HIVEP1: variants seen among roughly 807,000 people sequenced by gnomAD.
HIVEP1 encodes HIVEP zinc finger 1.
HIVEP1 carries 36 observed loss-of-function variants against 180.0 expected under a neutral mutation model. The ratio of observed to expected loss-of-function variants is 0.20; its 90% confidence interval spans 0.15 to 0.26. The LOEUF is 0.26. Among genes scored for constraint, HIVEP1 ranks in the 10% least tolerant of loss-of-function variants. HIVEP1 has a pLI of 1.00. For synonymous variants in HIVEP1, 1,239 were observed against 1,239.0 expected (o/e 1.00, Z 0.00); for missense variants, 3,143 against 3,268.7 (o/e 0.96, Z 0.94).
intron 2 of HIVEP1, among the ~76,000 whole-genome samples, chr6:12,059,721 G>A (rs13218440): frequency 0.4 from 61,233 of 151,746 alleles, 12,257 homozygotes; most frequent in East Asian, 0.43. Context: ...AGTCCCTCTG[G>A]GCAGCCTCCT....
intron 2 of HIVEP1, among the ~76,000 whole-genome samples, chr6:12,048,561 A>G (rs1581576367): frequency 6.6e-6 from 1 of 152,252 alleles, no homozygotes; most frequent in East Asian, 1.9e-4. Context: ...ATTTAAAAAC[A>G]TGCACAATCT....
intron 6 of HIVEP1, 105 bp downstream of exon 6, chr6:12,131,047 A>G: frequency 1.5e-6 from 1 of 675,674 alleles, no homozygotes; most frequent in Non-Finnish European, 2.4e-6. Flanking sequence ...CAGCTTAAAT[A>G]GACTAATGTC....
chr6:12,142,155 G>A (rs1336927281), intron 7 of HIVEP1, among the ~76,000 whole-genome samples: 1 of 152,190 alleles, frequency 6.6e-6, no homozygotes, highest in Admixed American at 6.5e-5. Context: ...CTCAGCAAAT[G>A]TAAAAGAACA....
chr6:12,193,453 G>A, the HIVEP1 span, among the ~76,000 whole-genome samples: 1 of 152,142 alleles, frequency 6.6e-6, no homozygotes, highest in Non-Finnish European at 1.5e-5. Context: ...TTCTTAAAAT[G>A]TTGTGACAAT....
At chr6:12,112,884 C>G (rs1774991602) in intron 3 of HIVEP1, among the ~76,000 whole-genome samples, 1 of 152,124 alleles carries the variant, frequency 6.6e-6, no homozygotes, top group African/African-American at 2.4e-5. Context: ...TCCTGCCTCC[C>G]CTGGGGTAGA....
chr6:12,168,234 TATA>T (rs1562024770), downstream of HIVEP1, among the ~76,000 whole-genome samples: 1 of 129,752 alleles, frequency 7.7e-6, no homozygotes, highest in Non-Finnish European at 1.6e-5. Context: ...ATTATATACA[TATA>T]TATTATATAT....
chr6:12,112,964 C>T (rs1254301233), intron 3 of HIVEP1, among the ~76,000 whole-genome samples: 1 of 152,004 alleles, frequency 6.6e-6, no homozygotes, highest in African/African-American at 2.4e-5. Flanking sequence ...CATCTGCTGC[C>T]CTTTCCCTAT....
At chr6:12,082,081 TTG>T (rs1450713556) in intron 2 of HIVEP1, among the ~76,000 whole-genome samples, 5 of 152,174 alleles carry the variant, frequency 3.3e-5, no homozygotes, top group African/African-American at 1.2e-4. Flanking sequence ...CCTCTTTTTT[TTG>T]TGTGTTTCTT....
At chr6:12,036,394 G>GTATGC (rs1285827660) in intron 2 of HIVEP1, among the ~76,000 whole-genome samples, 2 of 152,208 alleles carry the variant, frequency 1.3e-5, no homozygotes, top group African/African-American at 4.8e-5. Flanking sequence ...ATATACAATT[G>GTATGC]TATGGTCTTT....
At chr6:12,103,024 A>G (rs935356376) in intron 3 of HIVEP1, among the ~76,000 whole-genome samples, 1 of 152,160 alleles carries the variant, frequency 6.6e-6, no homozygotes, top group African/African-American at 2.4e-5. Flanking sequence ...TATGTTTATG[A>G]GTTTTTTTAT....
Position 12,121,981 on chromosome 6 carries a change from T to G in HIVEP1, c.2186T>G (p.Leu729Trp), listed in dbSNP as rs200091360. The G allele has an allele frequency of 1.1e-4, 178 of 1,614,058 alleles. No homozygotes were observed. Among genetic ancestry groups the G allele is most frequent in the Non-Finnish European group, 1.2e-4 (137 of 1,180,036 alleles). The change falls in exon 4 of 9, where the codon TTG (leucine) becomes TGG (tryptophan). Residue 729 changes from leucine (L) to tryptophan (W), a missense_variant. Leu to Trp is a moderately conservative substitution (Grantham distance 61, BLOSUM62 -2). Around this residue, in one of 12 missense-constraint regions of HIVEP1, gnomAD observed 365 missense variants for 344.4 expected, o/e 1.06. Transcript: ENST00000379388. This position sits in a 1 kb window ranked among gnomAD's most constrained non-coding sequence, Gnocchi z 5.3. ...PSALPTGEKALLLPGQMRPPL... is the reference protein window; with the variant it reads ...PSALPTGEKAWLLPGQMRPPL... Reference sequence around the variant, plus strand: ...GCTTTGCCCACAGGGGAAAAGGCATTGCTTTTACCAGGTCAGATGCGCCCA... The same window carrying G: ...GCTTTGCCCACAGGGGAAAAGGCATGGCTTTTACCAGGTCAGATGCGCCCA...
intron 2 of HIVEP1, among the ~76,000 whole-genome samples, chr6:12,039,825 G>C (rs774419039): frequency 6.6e-6 from 1 of 152,166 alleles, no homozygotes; most frequent in Non-Finnish European, 1.5e-5. Context: ...CAGGACAGGG[G>C]ATATCACCAC....
intron 7 of HIVEP1, among the ~76,000 whole-genome samples, chr6:12,144,626 T>G (rs1759253282): frequency 6.6e-6 from 1 of 152,244 alleles, no homozygotes; most frequent in African/African-American, 2.4e-5. Flanking sequence ...TCTACTCATC[T>G]GACAAAGGGC....
At chr6:12,185,564 T>G in the HIVEP1 span, among the ~76,000 whole-genome samples, 1 of 152,130 alleles carries the variant, frequency 6.6e-6, no homozygotes, top group Non-Finnish European at 1.5e-5. Flanking sequence ...TGTTTTGAAA[T>G]CACAGAAAAG....
In HIVEP1 at chr6:12,017,212, CAT is replaced by C. The variant is rs552444797; in HGVS notation, c.40+1545_40+1546del. On this transcript the variant is annotated intron_variant, in intron 2 of 8. Transcript: ENST00000379388. ...TATCAAATAAATGTTCAACTCAGCACATGTTTGTTACTGTGTCTGGAATTGGT... is the reference window on the plus strand; with the variant it reads ...TATCAAATAAATGTTCAACTCAGCACGTTTGTTACTGTGTCTGGAATTGGT... 2.4e-3 allele frequency among the ~76,000 whole-genome samples: 359 copies of C among 152,242 alleles called. 2 individuals carry two copies. Among genetic ancestry groups the C allele is most frequent in the Non-Finnish European group, 3.3e-3 (226 of 68,018 alleles).
At chr6:12,131,358 ACTT>A (rs1758406376) in intron 6 of HIVEP1, among the ~76,000 whole-genome samples, 1 of 151,960 alleles carries the variant, frequency 6.6e-6, no homozygotes, top group Non-Finnish European at 1.5e-5. Context: ...ACTACAGTAA[ACTT>A]CTATAATAAT....
chr6:12,204,402 C>T, the HIVEP1 span, among the ~76,000 whole-genome samples: 3 of 28,478 alleles, frequency 1.1e-4, no homozygotes, highest in South Asian at 2.1e-3. Context: ...CCCTTTCCCC[C>T]GCTTCCCTCA....
At chr6:12,156,852 AG>A (rs1402494385) in intron 7 of HIVEP1, among the ~76,000 whole-genome samples, 1 of 152,196 alleles carries the variant, frequency 6.6e-6, no homozygotes, top group Non-Finnish European at 1.5e-5. Context: ...AATGTCTATT[AG>A]GTCTTGATAG....
chr6:12,136,006 A>G, intron 7 of HIVEP1, 114 bp downstream of exon 7: 1 of 587,382 alleles, frequency 1.7e-6, no homozygotes. Flanking sequence ...ATTACCTCTT[A>G]TTTATATGCA....
Sources: gnomAD v4.1 joint callset for allele counts (sites outside exome capture counted in the v4.1 genomes callset) on GRCh38, gnomAD v4.1.1 for gene constraint, gnomAD v4.1.1 regional missense constraint, Gnocchi (gnomAD v3.1) non-coding constraint, MANE v1.5 for transcripts, NCBI Gene and HGNC (gene_info 2026-07-23, HGNC 2026-07-21) for gene names.